The following DGKD variants were observed in gnomAD, a reference collection of about 807,000 sequenced individuals.
The protein encoded by DGKD is DAG kinase delta.
In DGKD, 68 loss-of-function variants were observed where a neutral mutation model predicts 154.4. The observed-to-expected ratio is 0.44, with a 90% CI of 0.36 to 0.54. DGKD has a LOEUF of 0.54. Among genes scored for constraint, DGKD ranks in the 20% least tolerant of loss-of-function variants. DGKD has a pLI of 0.00. For synonymous variants in DGKD, 693 were observed against 638.0 expected, an observed-to-expected ratio of 1.09 and a Z score of -1.30; for missense variants, 1,343 against 1,593.6, an observed-to-expected ratio of 0.84 and a Z score of 2.68.
intron 2 of DGKD, chr2:233,388,627 C>T (rs1209303673): frequency 9.6e-6 from 3 of 311,678 alleles, no homozygotes; most frequent in Non-Finnish European, 1.7e-5. Flanking sequence ...GTCACAGAGA[C>T]AGCCGCGTTA....
At position 233,452,294 on chromosome 2, in the gene DGKD, C is replaced by T. The variant is rs937035871; in HGVS notation, c.2264+234C>T. Among the ~76,000 whole-genome samples, 21 of 152,216 alleles carry T rather than the reference C, an allele frequency of 1.4e-4. No homozygotes were observed. The highest frequency in any genetic ancestry group is 1.0e-3 in the Admixed American group (16 of 15,284). ...CTCCCATCTCCTTCCCAAGGTCCCA[C>T]GGTGCTTGCTTGACGTCCCCTGAGC... On this transcript the variant is annotated intron_variant, in intron 18 of 29. Transcript: ENST00000264057. The surrounding 1 kb of genome is among the most constrained non-coding windows in gnomAD (Gnocchi z 4.0).
At chr2:233,442,149 CAG>C (rs1307772638) in intron 10 of DGKD, 154 bp downstream of exon 10, 1 of 780,164 alleles carries the variant, frequency 1.3e-6, no homozygotes, top group South Asian at 1.5e-5. Flanking sequence ...GTGGCCAGGG[CAG>C]AGAGGGGAGA....
Position 233,452,438 on chromosome 2 carries a change from C to G in DGKD, c.2264+378C>G, listed in dbSNP as rs1040993954. Among the ~76,000 whole-genome samples the G allele has an allele frequency of 6.6e-6, 1 of 152,210 alleles. No individual in the cohort carries two copies. The highest frequency in any genetic ancestry group is 1.5e-5 in the Non-Finnish European group (1 of 68,040). ...GCTGGACCTCACTGACTTCTGCTTA[C>G]AGCCTGCCATCTTCCTCTTGCCATC... is the stretch of plus-strand genomic sequence containing the variant. On this transcript the variant is annotated intron_variant, in intron 18 of 29. Coordinates refer to ENST00000264057, the MANE Select transcript of DGKD (RefSeq NM_152879.3). The surrounding 1 kb of genome is among the most constrained non-coding windows in gnomAD (Gnocchi z 4.0).
At chr2:233,461,970 G>A (rs111590418) in intron 24 of DGKD, among the ~76,000 whole-genome samples, 1 of 152,222 alleles carries the variant, frequency 6.6e-6, no homozygotes, top group African/African-American at 2.4e-5. Flanking sequence ...GGGACAGACC[G>A]GCCAGTTACA....
intron 27 of DGKD, 144 bp from the exon 28 acceptor site, chr2:233,466,942 A>G: frequency 3.0e-6 from 2 of 676,976 alleles, no homozygotes; most frequent in Admixed American, 2.4e-5. Flanking sequence ...AATAAGGGAG[A>G]GAAGCCCTTT....
intron 19 of DGKD, 35 bp downstream of exon 19, chr2:233,454,908 G>T: frequency 7.4e-7 from 1 of 1,350,212 alleles, no homozygotes. Context: ...TCTGTCTTTT[G>T]CGTCTTTGTG....
At chr2:233,360,559 A>G (rs757952871) in intron 1 of DGKD, among the ~76,000 whole-genome samples, 2 of 151,934 alleles carry the variant, frequency 1.3e-5, no homozygotes, top group Non-Finnish European at 2.9e-5. Context: ...TGCCTGGCCA[A>G]AATTTTTTAT....
In DGKD at chr2:233,460,354, C is replaced by G; in HGVS notation, c.2981+9C>G. 2 of 1,613,758 alleles carry G rather than the reference C, an allele frequency of 1.2e-6. No individual in the cohort carries two copies. The highest frequency in any genetic ancestry group is 1.7e-6 in the Non-Finnish European group (2 of 1,179,882). On this transcript the variant is annotated intron_variant, in intron 24 of 29. Transcript: ENST00000264057. Reference sequence around the variant, plus strand: ...GGGGTCCTCATTCACAGGTGGGCTCCTACCCCTCTGCGTTGCGCATGAGCC... The same window carrying G: ...GGGGTCCTCATTCACAGGTGGGCTCGTACCCCTCTGCGTTGCGCATGAGCC...
intron 3 of DGKD, among the ~76,000 whole-genome samples, chr2:233,402,573 C>A (rs998798066): frequency 1.3e-5 from 2 of 152,162 alleles, no homozygotes; most frequent in Admixed American, 6.5e-5. Flanking sequence ...TGGCAAGCCC[C>A]GCTGAAGAGG....
At chr2:233,397,317 C>T (rs858134) in intron 3 of DGKD, among the ~76,000 whole-genome samples, 23 of 39,258 alleles carry the variant, frequency 5.9e-4, no homozygotes, top group South Asian at 8.0e-4. Flanking sequence ...GGGGCCAGAG[C>T]GAGAGGACAC....
chr2:233,454,446 A>G, intron 18 of DGKD: 1 of 481,892 alleles, frequency 2.1e-6, no homozygotes, highest in Non-Finnish European at 4.3e-6. Context: ...TGGAAAGTAG[A>G]CGAGAGGCGC....
intron 3 of DGKD, chr2:233,429,210 A>G: frequency 3.0e-6 from 3 of 985,428 alleles, no homozygotes; most frequent in Non-Finnish European, 2.4e-6. Context: ...CCGTGGGAGT[A>G]GTAGACTCAG....
intron 1 of DGKD, among the ~76,000 whole-genome samples, chr2:233,381,190 C>T (rs562215048): frequency 2.2e-4 from 34 of 152,290 alleles, no homozygotes; most frequent in African/African-American, 7.9e-4. Flanking sequence ...GTCATGAAGA[C>T]GCTGATGTGG....
intron 1 of DGKD, among the ~76,000 whole-genome samples, chr2:233,377,976 A>C (rs1368949917): frequency 3.3e-5 from 5 of 151,754 alleles, no homozygotes; most frequent in Non-Finnish European, 5.9e-5. Context: ...TTTTTAAATA[A>C]TTATTATTAT....
chr2:233,408,208 A>C (rs1188676914), intron 3 of DGKD, among the ~76,000 whole-genome samples: 1 of 151,990 alleles, frequency 6.6e-6, no homozygotes, highest in African/African-American at 2.4e-5. Flanking sequence ...ACACCTGGCA[A>C]ACTTTGTATT....
rs751154472 is a variant in DGKD, at chr2:233,448,176, G to A, written c.1509G>A (p.Ser503=). The part of the protein sequence containing the change: ...TSDQHSVVIS[S]AKVLCETVKD... Reference sequence around the variant, plus strand: ...ACCAGCACTCGGTGGTCATCTCCTCGGCCAAGTGAGTGCCTGGTGGCCCTG... The same window carrying A: ...ACCAGCACTCGGTGGTCATCTCCTCAGCCAAGTGAGTGCCTGGTGGCCCTG... The change falls in exon 13 of 30, where the codon TCG becomes TCA. Residue 503 remains serine, a synonymous_variant. Transcript: ENST00000264057. 32 of 1,613,938 alleles carry A rather than the reference G, an allele frequency of 2.0e-5. No individual in the cohort carries two copies. Among genetic ancestry groups the A allele is most frequent in the African/African-American group, 1.1e-4 (8 of 74,990 alleles).
chr2:233,462,277 T>G, intron 24 of DGKD, 71 bp from the exon 25 acceptor site: 1 of 1,282,274 alleles, frequency 7.8e-7, no homozygotes, highest in Admixed American at 1.8e-5. Flanking sequence ...TGGGCCGTGT[T>G]CAGATGCGTA....
chr2:233,364,613 G>A (rs917185039), intron 1 of DGKD, among the ~76,000 whole-genome samples: 3 of 152,156 alleles, frequency 2.0e-5, no homozygotes, highest in Admixed American at 6.5e-5. Flanking sequence ...CTGTGTGGTG[G>A]CCACCAAAAT....
chr2:233,422,827 TACAA>T (rs1445957624), intron 3 of DGKD, among the ~76,000 whole-genome samples: 1 of 152,186 alleles, frequency 6.6e-6, no homozygotes, highest in African/African-American at 2.4e-5. Flanking sequence ...ACAACTCCAG[TACAA>T]TGTCACACCC....
Sources: gnomAD v4.1 joint callset for allele counts (sites outside exome capture counted in the v4.1 genomes callset) on GRCh38, gnomAD v4.1.1 for gene constraint, Gnocchi (gnomAD v3.1) non-coding constraint, MANE v1.5 for transcripts, NCBI Gene and HGNC (gene_info 2026-07-23, HGNC 2026-07-21) for gene names.